The following SCAPER variants were observed in gnomAD, a reference collection of about 807,000 sequenced individuals.
SCAPER encodes S-phase cyclin A associated protein in the ER.
A neutral mutation model predicts 182.2 loss-of-function variants in SCAPER; 98 were observed. That is an observed-to-expected ratio of 0.54 (90% CI 0.46 to 0.64). SCAPER has a LOEUF of 0.64. Among genes scored for constraint, SCAPER ranks in the 30% least tolerant of loss-of-function variants. The probability of loss-of-function intolerance (pLI) is 0.00; values close to 1 mark genes in which losing one functional copy is unlikely to be tolerated. For synonymous variants in SCAPER, 605 were observed against 564.6 expected (o/e 1.07, Z -1.01); for missense variants, 1,432 against 1,690.0 (o/e 0.85, Z 2.68).
chr15:76,905,338 C>T lies in SCAPER; in HGVS notation c.-99G>A, dbSNP rs1284612280. 1 of 236,338 alleles carries T rather than the reference C, an allele frequency of 4.2e-6. No homozygotes were observed. The highest frequency in any genetic ancestry group is 6.0e-5 in the Admixed American group (1 of 16,652). 14.6% of individuals were successfully genotyped at this position (236,338 alleles called of 1,614,324 possible). A position where few individuals can be genotyped will look rare whatever the true frequency, so the allele number is the denominator to read the frequency against. Reference sequence around the variant, plus strand: ...CTTAGTTCGGGGCGGCTCAAAGCGTCCCGCCGGGAAAGGGGCGTGACGGGG... The same window carrying T: ...CTTAGTTCGGGGCGGCTCAAAGCGTTCCGCCGGGAAAGGGGCGTGACGGGG... On this transcript the variant is annotated 5_prime_UTR_variant, in exon 1 of 32. Transcript: ENST00000563290.
chr15:76,652,337 C>CACACAT (rs1555519597), intron 21 of SCAPER, among the ~76,000 whole-genome samples: 1 of 13,790 alleles, frequency 7.3e-5, no homozygotes, highest in Non-Finnish European at 1.3e-4. Context: ...CACACATACA[C>CACACAT]ATATATACAC....
chr15:76,354,856 TA>T lies in SCAPER; in HGVS notation c.3856-717del, dbSNP rs778953028. 3.3e-4 allele frequency among the ~76,000 whole-genome samples: 51 copies of T among 152,322 alleles called. No homozygotes were observed. Among genetic ancestry groups the T allele is most frequent in the Middle Eastern group, 3.4e-3 (1 of 294 alleles). ...GAATGGGCTTGCAGGGAAGCCCTCTTAATTTACTCCCTAGGCCTCCATGATA... is the reference window on the plus strand; with the variant it reads ...GAATGGGCTTGCAGGGAAGCCCTCTTATTTACTCCCTAGGCCTCCATGATA... On this transcript the variant is annotated intron_variant, in intron 29 of 31. Transcript: ENST00000563290. The surrounding 1 kb of genome is among the most constrained non-coding windows in gnomAD (Gnocchi z 4.4).
intron 25 of SCAPER, among the ~76,000 whole-genome samples, chr15:76,448,392 C>T (rs1050705310): frequency 6.6e-6 from 1 of 151,958 alleles, no homozygotes; most frequent in Non-Finnish European, 1.5e-5. Context: ...GTTTAACTTT[C>T]CTAGGTTTCT....
chr15:76,448,523 A>C lies in SCAPER; in HGVS notation c.3079-14213T>G, dbSNP rs538987468. ...CAGGGTTTGAAGATGCTGACTTGGG[A>C]CCATCGGTGTATGAGAAAACAGCTG... On this transcript the variant is annotated intron_variant, in intron 25 of 31. Transcript: ENST00000563290. Among the ~76,000 whole-genome samples the C allele has an allele frequency of 4.6e-5, 7 of 152,112 alleles. No individual in the cohort carries two copies. The South Asian group carries it at 1.5e-3, about 32-fold the overall frequency.
chr15:76,819,519 G>A (rs2067351615), intron 5 of SCAPER, among the ~76,000 whole-genome samples: 1 of 152,190 alleles, frequency 6.6e-6, no homozygotes, highest in African/African-American at 2.4e-5. Flanking sequence ...ACCTGCAGCT[G>A]AGGGTCCTGA....
chr15:76,902,192 G>A (rs1294930508), intron 1 of SCAPER, among the ~76,000 whole-genome samples: 2 of 152,218 alleles, frequency 1.3e-5, no homozygotes, highest in Non-Finnish European at 2.9e-5. Flanking sequence ...CATGCCCTCT[G>A]CAGCAACACG....
chr15:76,561,763 G>A (rs926878564), intron 23 of SCAPER, among the ~76,000 whole-genome samples: 26 of 150,544 alleles, frequency 1.7e-4, no homozygotes, highest in Admixed American at 9.9e-4. Context: ...AGGCTGGAGC[G>A]TAATGGCTCA....
At chr15:76,762,360 T>C (rs527512360) in intron 14 of SCAPER, among the ~76,000 whole-genome samples, 2 of 141,454 alleles carry the variant, frequency 1.4e-5, no homozygotes, top group African/African-American at 2.4e-5. Flanking sequence ...TGTTATTTGA[T>C]TGTGGGCTTT....
intron 15 of SCAPER, among the ~76,000 whole-genome samples, chr15:76,742,676 G>A (rs1000874711): frequency 6.6e-6 from 1 of 151,582 alleles, no homozygotes; most frequent in Non-Finnish European, 1.5e-5. Flanking sequence ...CAGAATACTA[G>A]CTAACTTATT....
intron 2 of SCAPER, among the ~76,000 whole-genome samples, chr15:76,871,253 C>CA (rs1328569449): frequency 6.6e-6 from 1 of 151,470 alleles, no homozygotes; most frequent in Non-Finnish European, 1.5e-5. Flanking sequence ...ACTGAAAATA[C>CA]AAAAAATTAA....
chr15:76,577,932 G>C (rs1287033056), intron 22 of SCAPER, among the ~76,000 whole-genome samples: 1 of 152,130 alleles, frequency 6.6e-6, no homozygotes, highest in African/African-American at 2.4e-5. Flanking sequence ...TTGGCTCTTG[G>C]ATGGTATTTC....
chr15:76,669,665 C>A (rs2056873416), intron 20 of SCAPER, among the ~76,000 whole-genome samples: 1 of 152,150 alleles, frequency 6.6e-6, no homozygotes, highest in Non-Finnish European at 1.5e-5. Flanking sequence ...TTTACTGATG[C>A]AAATCTCAAA....
chr15:76,376,376 A>G, intron 28 of SCAPER, 65 bp from the exon 29 acceptor site: 3 of 1,500,928 alleles, frequency 2.0e-6, no homozygotes, highest in Non-Finnish European at 2.7e-6. Flanking sequence ...CAAATCACAA[A>G]GCAAGACTGG....
rs960388881 is a variant in SCAPER, at chr15:76,376,374, A to G, written c.3706-63T>C. On this transcript the variant is annotated intron_variant, in intron 28 of 31. Coordinates refer to ENST00000563290, the MANE Select transcript of SCAPER (RefSeq NM_020843.4). Reference sequence around the variant, plus strand: ...AGGGAGAGCCAGGGCTGCAAATCACAAAGCAAGACTGGCCCTGTGTACTTT... The same window carrying G: ...AGGGAGAGCCAGGGCTGCAAATCACGAAGCAAGACTGGCCCTGTGTACTTT... The G allele has an allele frequency of 6.0e-6, 9 of 1,505,914 alleles. No homozygotes were observed. In the Admixed American group the frequency reaches 1.5e-4, roughly 25 times the overall value. 93.3% of individuals were successfully genotyped at this position (1,505,914 alleles called of 1,614,324 possible).
At chr15:76,532,753 G>T (rs1436186716) in intron 23 of SCAPER, among the ~76,000 whole-genome samples, 1 of 152,146 alleles carries the variant, frequency 6.6e-6, no homozygotes, top group Non-Finnish European at 1.5e-5. Context: ...TATTACAGAG[G>T]TAACATCACA....
At chr15:76,431,675 G>GAAAAAAAAAAAAAAA (rs1567126176) in intron 26 of SCAPER, among the ~76,000 whole-genome samples, 1 of 4,316 alleles carries the variant, frequency 2.3e-4, no homozygotes, top group Non-Finnish European at 3.6e-4. Flanking sequence ...AAAATGATTA[G>GAAAAAAAAAAAAAAA]CAAAAAAAAA....
intron 22 of SCAPER, among the ~76,000 whole-genome samples, chr15:76,592,071 A>G (rs927527392): frequency 2.6e-5 from 4 of 151,908 alleles, no homozygotes; most frequent in Admixed American, 2.0e-4. Context: ...CAAAAAATGT[A>G]TATCTATCTA....
chr15:76,673,401 C>T (rs1175167530), intron 20 of SCAPER, among the ~76,000 whole-genome samples: 1 of 152,008 alleles, frequency 6.6e-6, no homozygotes, highest in African/African-American at 2.4e-5. Flanking sequence ...ATGGGGAAAA[C>T]ATATGAAAAG....
intron 23 of SCAPER, among the ~76,000 whole-genome samples, chr15:76,554,655 A>G (rs2046049419): frequency 1.3e-5 from 2 of 152,154 alleles, no homozygotes; most frequent in Non-Finnish European, 1.5e-5. Context: ...AAAATAAAAA[A>G]AGAAAGAAAC....
Sources: gnomAD v4.1 joint callset for allele counts (sites outside exome capture counted in the v4.1 genomes callset) on GRCh38, gnomAD v4.1.1 for gene constraint, Gnocchi (gnomAD v3.1) non-coding constraint, MANE v1.5 for transcripts, NCBI Gene and HGNC (gene_info 2026-07-23, HGNC 2026-07-21) for gene names.